The following AKR1E2 variants were observed in gnomAD, a reference collection of about 807,000 sequenced individuals.
AKR1E2 encodes aldo-keto reductase family 1 member E2, also known as 1,5-anhydro-D-fructose reductase.
In AKR1E2, 43 loss-of-function variants were observed where a neutral mutation model predicts 41.9. That is an observed-to-expected ratio of 1.03 (90% CI 0.80 to 1.32). The LOEUF (loss-of-function observed/expected upper bound fraction) is 1.32. Ranked by LOEUF, AKR1E2 falls within the 40% of genes most tolerant of loss-of-function variation. AKR1E2 has a pLI of 0.00. For synonymous variants in AKR1E2, 121 were observed against 138.9 expected (o/e 0.87, Z 0.91); for missense variants, 423 against 396.5 (o/e 1.07, Z -0.57).
the AKR1E2 span, among the ~76,000 whole-genome samples, chr10:4,864,341 C>G: frequency 1.6e-4 from 24 of 152,292 alleles, no homozygotes; most frequent in Admixed American, 3.9e-4. Context: ...AGCATATAAA[C>G]AGAATCGAAG....
intron 8 of AKR1E2, among the ~76,000 whole-genome samples, chr10:4,842,736 A>C (rs561820595): frequency 6.6e-6 from 1 of 152,276 alleles, no homozygotes; most frequent in East Asian, 1.9e-4. Flanking sequence ...CATCCAGCCC[A>C]AGATTAGGAA....
chr10:4,829,551 A>T (rs1588433286), intron 1 of AKR1E2, among the ~76,000 whole-genome samples: 1 of 151,740 alleles, frequency 6.6e-6, no homozygotes, highest in African/African-American at 2.4e-5. Context: ...AACTGAGATG[A>T]TTTTTTTCTT....
the AKR1E2 span, among the ~76,000 whole-genome samples, chr10:4,865,453 G>A: frequency 6.6e-6 from 1 of 152,126 alleles, no homozygotes; most frequent in Non-Finnish European, 1.5e-5. Context: ...AGTAAACATT[G>A]AAGCTAGCAT....
chr10:4,853,130 A>G, the AKR1E2 span, among the ~76,000 whole-genome samples: 2 of 152,236 alleles, frequency 1.3e-5, no homozygotes, highest in African/African-American at 4.8e-5. Flanking sequence ...TGTAGCATAT[A>G]GTAACCAGAG....
intron 1 of AKR1E2, among the ~76,000 whole-genome samples, chr10:4,827,075 GAAA>G (rs5782783): frequency 3.6e-4 from 44 of 123,134 alleles, no homozygotes; most frequent in African/African-American, 1.0e-3. Flanking sequence ...GACCTTGCTG[GAAA>G]AAAAAAAAAA....
intron 4 of AKR1E2, among the ~76,000 whole-genome samples, chr10:4,836,618 A>T (rs930951570): frequency 6.6e-6 from 1 of 152,184 alleles, no homozygotes; most frequent in Admixed American, 6.5e-5. Flanking sequence ...TCGGACAGGG[A>T]GGAGTCCCAG....
the AKR1E2 span, among the ~76,000 whole-genome samples, chr10:4,853,442 C>CA: frequency 2.6e-3 from 294 of 114,740 alleles, 1 homozygote; most frequent in African/African-American, 8.6e-3. Context: ...AACTTGTTGC[C>CA]AAAAAAAAAA....
chr10:4,845,136 G>A (rs1006358995), intron 8 of AKR1E2, among the ~76,000 whole-genome samples: 3 of 152,194 alleles, frequency 2.0e-5, no homozygotes, highest in Admixed American at 6.5e-5. Flanking sequence ...GACCTAGCAC[G>A]CCCTCCTCAG....
Position 4,844,237 on chromosome 10 carries a change from G to C in AKR1E2, c.837+1733G>C, listed in dbSNP as rs141412248. On this transcript the variant is annotated intron_variant, in intron 8 of 9. Coordinates refer to ENST00000298375, the MANE Select transcript of AKR1E2 (RefSeq NM_001040177.3). ...AGGAGTGAAGGTGAGGACCTTTGCG[G>C]TGAGTGTTACAGCTCTTAAGGTGGC... Among the ~76,000 whole-genome samples the C allele has an allele frequency of 5.8e-3, 881 of 152,228 alleles. 7 individuals carry two copies. The highest frequency in any genetic ancestry group is 0.02 in the African/African-American group (820 of 41,512).
chr10:4,863,750 T>C, the AKR1E2 span, among the ~76,000 whole-genome samples: 1 of 151,672 alleles, frequency 6.6e-6, no homozygotes, highest in African/African-American at 2.4e-5. Context: ...AAGAATCAAA[T>C]AGATGCAATA....
rs138781462 is a variant in AKR1E2, at chr10:4,832,327, A to G, written c.208-1023A>G. Among the ~76,000 whole-genome samples the G allele has an allele frequency of 2.0e-3, 305 of 152,274 alleles. 2 individuals carry two copies. The highest frequency in any genetic ancestry group is 7.0e-3 in the African/African-American group (290 of 41,550). On this transcript the variant is annotated intron_variant, in intron 2 of 9. Transcript: ENST00000298375. ...CTATAGTTGAATTGCCTTCTGTTTT[A>G]CTTTATGGAAGTTAATGTTCTTCAG...
chr10:4,832,743 A>G lies in AKR1E2; in HGVS notation c.208-607A>G, dbSNP rs1212050195. Among the ~76,000 whole-genome samples the G allele has an allele frequency of 5.3e-5, 8 of 152,128 alleles. No individual in the cohort carries two copies. The East Asian group carries it at 1.2e-3, about 22-fold the overall frequency. ...CCTTTCTTTTACTTTCTTTTACTTT[A>G]CTTTCTTTTACTTTACTTTCATGTT... is the stretch of plus-strand genomic sequence containing the variant. On this transcript the variant is annotated intron_variant, in intron 2 of 9. Transcript: ENST00000298375.
At chr10:4,857,728 T>C in the AKR1E2 span, among the ~76,000 whole-genome samples, 1 of 152,184 alleles carries the variant, frequency 6.6e-6, no homozygotes, top group Admixed American at 6.5e-5. Flanking sequence ...TCAGTATTGG[T>C]AGGTTATGTG....
At chr10:4,854,316 A>T in the AKR1E2 span, among the ~76,000 whole-genome samples, 1 of 151,708 alleles carries the variant, frequency 6.6e-6, no homozygotes, top group Admixed American at 6.6e-5. Flanking sequence ...CTGGTCTTTA[A>T]CTCCTGACCT....
chr10:4,870,802 T>C, the AKR1E2 span, among the ~76,000 whole-genome samples: 1 of 152,150 alleles, frequency 6.6e-6, no homozygotes, highest in Non-Finnish European at 1.5e-5. Context: ...CTTCTTACTC[T>C]GTAGGTTTAT....
At chr10:4,845,348 C>A (rs1834250746) in intron 8 of AKR1E2, among the ~76,000 whole-genome samples, 2 of 152,304 alleles carry the variant, frequency 1.3e-5, no homozygotes, top group South Asian at 4.1e-4. Context: ...CTCGGCCAGC[C>A]CAGGAAGGGG....
intron 5 of AKR1E2, among the ~76,000 whole-genome samples, chr10:4,838,163 CTG>C (rs1833585476): frequency 6.6e-6 from 1 of 152,232 alleles, no homozygotes; most frequent in African/African-American, 2.4e-5. Context: ...TTCTCATAAA[CTG>C]AGCATAGCTC....
Position 4,833,398 on chromosome 10 carries a change from A to G in AKR1E2, c.256A>G (p.Lys86Glu). Residue 86 changes from lysine to glutamate, a missense_variant, in exon 3 of 10, where the codon AAG (lysine) becomes GAG (glutamate). Transcript: ENST00000298375. ...GTCCTTGGTGGAAACAGCATGCAGAAAGAGTCTCAAGGCCTTGAAGCTGAA... is the reference window on the plus strand; with the variant it reads ...GTCCTTGGTGGAAACAGCATGCAGAGAGAGTCTCAAGGCCTTGAAGCTGAA... ...KKSLVETACR[K>E]SLKALKLNYL... 6.2e-7 allele frequency: 1 copy of G among 1,614,190 alleles called. No individual in the cohort carries two copies. The highest frequency in any genetic ancestry group is 8.5e-7 in the Non-Finnish European group (1 of 1,180,030).
chr10:4,869,466 C>T, the AKR1E2 span, among the ~76,000 whole-genome samples: 5 of 152,026 alleles, frequency 3.3e-5, no homozygotes, highest in African/African-American at 1.2e-4. Flanking sequence ...TCTTTTCAAA[C>T]AACCAATTCT....
Sources: allele counts gnomAD v4.1 joint callset (sites outside exome capture counted in the v4.1 genomes callset), GRCh38; gene constraint gnomAD v4.1.1; transcripts MANE v1.5; gene names NCBI Gene and HGNC (gene_info 2026-07-23, HGNC 2026-07-21).